Variants in DACH1 observed in about 807,000 individuals in gnomAD.
DACH1 encodes the protein dachshund family transcription factor 1, also known as dachshund homolog 1.
Under a neutral mutation model 54.2 loss-of-function variants are expected in DACH1, and 12 were observed. That is an observed-to-expected ratio of 0.22 (90% CI 0.14 to 0.36). The LOEUF is 0.36. Ranked by LOEUF, DACH1 falls within the 10% of genes least tolerant of loss-of-function variation. The pLI, the probability that DACH1 is intolerant of heterozygous loss-of-function variation, is 1.00. For synonymous variants in DACH1, 386 were observed against 366.2 expected, an observed-to-expected ratio of 1.05 and a Z score of -0.62; for missense variants, 805 against 929.8, an observed-to-expected ratio of 0.87 and a Z score of 1.75.
chr13:71,792,682 G>C (rs141904137), intron 1 of DACH1, among the ~76,000 whole-genome samples: 1 of 152,250 alleles, frequency 6.6e-6, no homozygotes, highest in East Asian at 1.9e-4. Flanking sequence ...AATGGAAACT[G>C]AGCATGCCAC....
chr13:71,866,263 C>A lies in DACH1; in HGVS notation c.507G>T (p.Gly169=), dbSNP rs1874750775. The A allele has an allele frequency of 6.2e-7, 1 of 1,601,532 alleles. No homozygotes were observed. The highest frequency in any genetic ancestry group is 1.3e-5 in the African/African-American group (1 of 74,622). The stretch of plus-strand genomic sequence containing the variant: ...GGGACGGGGTTGAGTACACGGGTTT[C>A]CCGGGGAGGGGGCCGCAGCTGCTGC... ...SSSSSCGPLP[G]KPVYSTPSPV... is the part of the protein sequence containing the mutation. The change falls in exon 1 of 11, where the codon GGG becomes GGT. Residue 169 remains glycine (G), a synonymous_variant. Coordinates refer to ENST00000613252, the MANE Select transcript of DACH1 (RefSeq NM_080759.6).
intron 3 of DACH1, among the ~76,000 whole-genome samples, chr13:71,628,474 C>T (rs1876828310): frequency 6.6e-6 from 1 of 152,042 alleles, no homozygotes; most frequent in Admixed American, 6.6e-5. Context: ...TAGGGACTAG[C>T]AGCAACACCG....
chr13:71,493,548 A>G (rs1879165697), intron 6 of DACH1, among the ~76,000 whole-genome samples: 1 of 152,174 alleles, frequency 6.6e-6, no homozygotes, highest in South Asian at 2.1e-4. Context: ...ACAGCTATGG[A>G]TAACTAAAAC....
chr13:71,822,776 C>A (rs1270141101), intron 1 of DACH1, among the ~76,000 whole-genome samples: 1 of 152,000 alleles, frequency 6.6e-6, no homozygotes, highest in Non-Finnish European at 1.5e-5. Context: ...TCACTAGGAC[C>A]TTATATGATA....
At chr13:71,445,908 T>C (rs941364773) in intron 10 of DACH1, among the ~76,000 whole-genome samples, 9 of 152,316 alleles carry the variant, frequency 5.9e-5, no homozygotes, top group African/African-American at 2.2e-4. Context: ...GAAAGGCGGA[T>C]GGCAAATGTG....
At chr13:71,527,125 AAT>A (rs1882025024) in intron 6 of DACH1, among the ~76,000 whole-genome samples, 1 of 151,918 alleles carries the variant, frequency 6.6e-6, no homozygotes, top group African/African-American at 2.4e-5. Context: ...AGTTGCCTTC[AAT>A]ATGTTTGCAA....
At chr13:71,541,925 G>GTTTTTTTTTT (rs397720054) in intron 6 of DACH1, among the ~76,000 whole-genome samples, 1 of 105,836 alleles carries the variant, frequency 9.4e-6, no homozygotes, top group South Asian at 3.4e-4. Context: ...TATTTGCCCA[G>GTTTTTTTTTT]TTTTTTTTTT....
intron 10 of DACH1, among the ~76,000 whole-genome samples, chr13:71,456,443 T>C (rs1437054590): frequency 6.6e-6 from 1 of 151,998 alleles, no homozygotes; most frequent in African/African-American, 2.4e-5. Flanking sequence ...TAAAATTAAC[T>C]TATGTCACCA....
At chr13:71,562,455 T>A (rs948012502) in intron 4 of DACH1, among the ~76,000 whole-genome samples, 2 of 151,990 alleles carry the variant, frequency 1.3e-5, no homozygotes, top group Non-Finnish European at 2.9e-5. Context: ...ATCCCAGATA[T>A]TAAAATTTGA....
chr13:71,662,760 T>G (rs958512563), intron 2 of DACH1, among the ~76,000 whole-genome samples: 2 of 152,022 alleles, frequency 1.3e-5, no homozygotes, highest in African/African-American at 4.8e-5. Flanking sequence ...AATGAAGTTT[T>G]GAGTTGAATC....
At chr13:71,818,964 G>GC (rs969465571) in intron 1 of DACH1, among the ~76,000 whole-genome samples, 1 of 152,154 alleles carries the variant, frequency 6.6e-6, no homozygotes, top group Admixed American at 6.5e-5. Context: ...GAGAACACAA[G>GC]CCCCTCAGAT....
At chr13:71,454,831 A>G (rs1337577321) in intron 10 of DACH1, among the ~76,000 whole-genome samples, 1 of 152,178 alleles carries the variant, frequency 6.6e-6, no homozygotes, top group African/African-American at 2.4e-5. Context: ...AATTCCTCAC[A>G]CACAGAAACT....
At chr13:71,464,450 C>A (rs1270996148) in intron 10 of DACH1, 6 of 288,054 alleles carry the variant, frequency 2.1e-5, no homozygotes, top group Non-Finnish European at 4.1e-5. Context: ...ACATTTAAAA[C>A]ATACAAACTT....
At chr13:71,702,238 C>T (rs1406440458) in intron 1 of DACH1, among the ~76,000 whole-genome samples, 3 of 152,054 alleles carry the variant, frequency 2.0e-5, no homozygotes, top group Non-Finnish European at 4.4e-5. Context: ...TTTATATAAA[C>T]TTCCCCTTTA....
At chr13:71,626,923 C>A (rs1400113794) in intron 3 of DACH1, among the ~76,000 whole-genome samples, 1 of 152,010 alleles carries the variant, frequency 6.6e-6, no homozygotes, top group Non-Finnish European at 1.5e-5. Context: ...ACCATGCAGA[C>A]TAGCATCTCA....
At chr13:71,821,199 T>C (rs1418205454) in intron 1 of DACH1, among the ~76,000 whole-genome samples, 1 of 152,204 alleles carries the variant, frequency 6.6e-6, no homozygotes, top group Non-Finnish European at 1.5e-5. Context: ...TCCTCTTACA[T>C]GGTGCTTAGT....
intron 1 of DACH1, among the ~76,000 whole-genome samples, chr13:71,746,203 C>A (rs769963250): frequency 1.3e-5 from 2 of 152,062 alleles, no homozygotes; most frequent in African/African-American, 2.4e-5. Context: ...GATGACAGAG[C>A]AAGACCCTGT....
At chr13:71,593,998 A>G (rs1038718905) in intron 3 of DACH1, among the ~76,000 whole-genome samples, 1 of 151,448 alleles carries the variant, frequency 6.6e-6, no homozygotes, top group Non-Finnish European at 1.5e-5. Flanking sequence ...ACCTATATTG[A>G]CCATTTTAAA....
intron 6 of DACH1, among the ~76,000 whole-genome samples, chr13:71,518,945 C>A (rs2138275498): frequency 6.6e-6 from 1 of 151,882 alleles, no homozygotes; most frequent in Non-Finnish European, 1.5e-5. Context: ...TTATGAAACT[C>A]AAATTTCAAG....
Sources: allele counts gnomAD v4.1 joint callset (sites outside exome capture counted in the v4.1 genomes callset), GRCh38; gene constraint gnomAD v4.1.1; transcripts MANE v1.5; gene names NCBI Gene and HGNC (gene_info 2026-07-23, HGNC 2026-07-21).